Variants in WSB2 observed in about 807,000 individuals in gnomAD.
The protein encoded by WSB2 is WD repeat and SOCS box containing 2, also known as WD repeat and SOCS box-containing protein 2.
In WSB2, 12 loss-of-function variants were observed where a neutral mutation model predicts 48.8. The ratio of observed to expected loss-of-function variants is 0.25; its 90% CI spans 0.16 to 0.40. The LOEUF (loss-of-function observed/expected upper bound fraction) is 0.40. Ranked by LOEUF, WSB2 falls within the 10% of genes least tolerant of loss-of-function variation. The pLI is 1.00. For synonymous variants in WSB2, 191 were observed against 203.1 expected (o/e 0.94, Z 0.51); for missense variants, 317 against 506.2 (o/e 0.63, Z 3.59).
intron 1 of WSB2, among the ~76,000 whole-genome samples, chr12:118,055,667 T>C (rs1308924119): frequency 1.5e-5 from 2 of 134,110 alleles, no homozygotes; most frequent in African/African-American, 5.6e-5. Context: ...CAGGCTGGAC[T>C]GCAATGGCAC....
chr12:118,054,944 C>T (rs746992813), intron 1 of WSB2, among the ~76,000 whole-genome samples: 1 of 148,846 alleles, frequency 6.7e-6, no homozygotes, highest in Non-Finnish European at 1.5e-5. Flanking sequence ...TTTGGTAGGC[C>T]GAGATGGGAT....
intron 5 of WSB2, among the ~76,000 whole-genome samples, chr12:118,037,497 T>C (rs2031539275): frequency 6.6e-6 from 1 of 152,028 alleles, no homozygotes; most frequent in Non-Finnish European, 1.5e-5. Context: ...TGAAACCTCA[T>C]TTCTACTAAA....
intron 4 of WSB2, among the ~76,000 whole-genome samples, chr12:118,042,137 C>T (rs534407042): frequency 5.9e-5 from 9 of 152,242 alleles, no homozygotes; most frequent in Non-Finnish European, 8.8e-5. Context: ...ATAGTTTGCT[C>T]GAGGCAGAAT....
chr12:118,038,167 C>T, intron 5 of WSB2, 121 bp downstream of exon 5: 1 of 880,128 alleles, frequency 1.1e-6, no homozygotes, highest in South Asian at 2.0e-5. Flanking sequence ...GGCCATGGCC[C>T]ACCAGCATGC....
intron 1 of WSB2, among the ~76,000 whole-genome samples, chr12:118,059,050 T>G (rs577964738): frequency 1.6e-4 from 25 of 152,284 alleles, no homozygotes; most frequent in African/African-American, 5.8e-4. Flanking sequence ...GTCTGTCTCT[T>G]TCTGAACCCA....
chr12:118,036,378 T>C lies in WSB2; in HGVS notation c.793A>G (p.Met265Val), dbSNP rs745822746. The change falls in exon 6 of 9, where the codon ATG becomes GTG. Residue 265 changes from methionine to valine, a missense_variant. Met to Val is a conservative substitution (Grantham distance 21). This residue lies in a region of WSB2 where 189 missense variants were observed against 349.6 expected (regional missense o/e 0.54). Transcript: ENST00000315436. ...CTTTCGCCGGTGTAGGGGTCCCACATAATCACATTGGTATCGTAAGAAGCC... is the reference window on the plus strand; with the variant it reads ...CTTTCGCCGGTGTAGGGGTCCCACACAATCACATTGGTATCGTAAGAAGCC... Reference protein sequence around the residue: ...VTASYDTNVIMWDPYTGERLR... With the variant: ...VTASYDTNVIVWDPYTGERLR... The C allele has an allele frequency of 9.9e-6, 16 of 1,614,196 alleles. No homozygotes were observed. Among genetic ancestry groups the C allele is most frequent in the Non-Finnish European group, 1.2e-5 (14 of 1,180,034 alleles).
At chr12:118,054,518 A>T (rs908802837) in intron 1 of WSB2, among the ~76,000 whole-genome samples, 12 of 151,828 alleles carry the variant, frequency 7.9e-5, no homozygotes, top group Non-Finnish European at 1.6e-4. Context: ...TAAAAATACA[A>T]AATAAGCCGG....
intron 1 of WSB2, among the ~76,000 whole-genome samples, chr12:118,058,733 G>A (rs574879984): frequency 6.8e-6 from 1 of 146,920 alleles, no homozygotes; most frequent in Non-Finnish European, 1.5e-5. Context: ...TTTCACTCTT[G>A]TTGCCCAGGC....
chr12:118,056,071 G>A (rs1406135349), intron 1 of WSB2, among the ~76,000 whole-genome samples: 5 of 151,934 alleles, frequency 3.3e-5, no homozygotes, highest in South Asian at 2.1e-4. Flanking sequence ...CTGCTCTCCC[G>A]GCTTCCCCTC....
chr12:118,062,129 C>G (rs976920945), upstream of WSB2: 5 of 1,535,410 alleles, frequency 3.3e-6, no homozygotes, highest in South Asian at 1.2e-5. Context: ...GTCCCCGTCC[C>G]CCTGAGAAAC....
intron 2 of WSB2, among the ~76,000 whole-genome samples, chr12:118,047,336 A>G: frequency 6.6e-6 from 1 of 152,192 alleles, no homozygotes; most frequent in Middle Eastern, 3.2e-3. Flanking sequence ...CGTGAAAAGC[A>G]GGGAGGTCGT....
At position 118,048,040 on chromosome 12, in the gene WSB2, T is replaced by C. The variant is rs551814822; in HGVS notation, c.182+4270A>G. Among the ~76,000 whole-genome samples the C allele has an allele frequency of 2.0e-3, 297 of 152,136 alleles. 2 individuals are homozygous for C. The highest frequency in any genetic ancestry group is 3.5e-3 in the Non-Finnish European group (235 of 67,974). ...TTCCTGGGTGCAGGTGATCCTCCCATCTCAGCCTCCTGAGTAGCTAGGACC... is the reference window on the plus strand; with the variant it reads ...TTCCTGGGTGCAGGTGATCCTCCCACCTCAGCCTCCTGAGTAGCTAGGACC... On this transcript the variant is annotated intron_variant, in intron 2 of 8. Transcript: ENST00000315436.
At chr12:118,057,215 A>T (rs954397497) in intron 1 of WSB2, among the ~76,000 whole-genome samples, 3 of 152,118 alleles carry the variant, frequency 2.0e-5, no homozygotes, top group African/African-American at 7.2e-5. Context: ...TCTAGCTTCA[A>T]CTGGTATGGT....
intron 2 of WSB2, among the ~76,000 whole-genome samples, chr12:118,046,008 T>C (rs1044582523): frequency 7.9e-5 from 12 of 152,218 alleles, no homozygotes; most frequent in Admixed American, 7.9e-4. Flanking sequence ...TTCATCCATG[T>C]TGTAGCAAAT....
intron 4 of WSB2, among the ~76,000 whole-genome samples, chr12:118,039,460 TCAAA>T (rs1342782743): frequency 3.3e-5 from 5 of 152,120 alleles, no homozygotes; most frequent in African/African-American, 1.2e-4. Flanking sequence ...TCCATTTTTG[TCAAA>T]CAATGACCCA....
intron 2 of WSB2, among the ~76,000 whole-genome samples, chr12:118,050,140 G>A (rs1464712758): frequency 6.6e-6 from 1 of 151,886 alleles, no homozygotes; most frequent in Non-Finnish European, 1.5e-5. Flanking sequence ...AGCCGAGATC[G>A]CACCATCGCA....
intron 1 of WSB2, among the ~76,000 whole-genome samples, chr12:118,054,160 A>G (rs1410021189): frequency 7.0e-6 from 1 of 143,656 alleles, no homozygotes; most frequent in South Asian, 2.3e-4. Flanking sequence ...TCACTTGAGG[A>G]CAGGAGTTTA....
rs182693275 is a variant in WSB2 at position 118,040,198 on chromosome 12, C to T, written c.560-1810G>A. Among the ~76,000 whole-genome samples, 590 of 152,096 alleles carry T rather than the reference C, an allele frequency of 3.9e-3. 2 individuals are homozygous for T. The highest frequency in any genetic ancestry group is 6.8e-3 in the Admixed American group (104 of 15,260). ...AAAAAATAAAGGTCAATCATGGTTTCTTCAGCTGTCAAATCTCAGGGTGCT... is the reference window on the plus strand; with the variant it reads ...AAAAAATAAAGGTCAATCATGGTTTTTTCAGCTGTCAAATCTCAGGGTGCT... On this transcript the variant is annotated intron_variant, in intron 4 of 8. Transcript: ENST00000315436.
intron 4 of WSB2, 176 bp downstream of exon 4, chr12:118,042,659 ATAGTAT>A (rs1248131458): frequency 1.2e-6 from 1 of 812,252 alleles, no homozygotes; most frequent in African/African-American, 1.7e-5. Context: ...TCTATTTGGT[ATAGTAT>A]TATCTTTGGG....
Sources: gnomAD v4.1 joint callset for allele counts (sites outside exome capture counted in the v4.1 genomes callset) on GRCh38, gnomAD v4.1.1 for gene constraint, gnomAD v4.1.1 regional missense constraint, MANE v1.5 for transcripts, NCBI Gene and HGNC (gene_info 2026-07-23, HGNC 2026-07-21) for gene names.